The following PLCD1 variants were observed in gnomAD, a reference collection of about 807,000 sequenced individuals.
PLCD1 encodes the protein phospholipase C delta 1.
In PLCD1, 71 loss-of-function variants were observed where a neutral mutation model predicts 87.4. That is an observed-to-expected ratio of 0.81 (90% CI 0.67 to 0.99). The LOEUF (loss-of-function observed/expected upper bound fraction) is 0.99, where lower values mean the gene tolerates loss of function less well. Among genes scored for constraint, PLCD1 ranks in the 50% least tolerant of loss-of-function variants. PLCD1 has a pLI of 0.00. For synonymous variants in PLCD1, 348 were observed against 399.2 expected (o/e 0.87, Z 1.53); for missense variants, 867 against 1,001.5 (o/e 0.87, Z 1.81).
At chr3:38,019,027 A>T (rs992752176) in intron 2 of PLCD1, 3 of 152,284 alleles carry the variant, frequency 2.0e-5, no homozygotes, top group African/African-American at 7.2e-5. Context: ...GGTCCTGTCC[A>T]GTGTCCTGAG....
intron 1 of PLCD1, chr3:38,024,038 AC>A (rs1700271290): frequency 2.2e-6 from 1 of 448,092 alleles, no homozygotes; most frequent in Non-Finnish European, 4.0e-6. Context: ...AGACCAGGCC[AC>A]ATACACGGTG....
At position 38,024,351 on chromosome 3, in the gene PLCD1, T is replaced by C. The variant is rs747779782; in HGVS notation, c.35-3999A>G. 9 of 1,612,806 alleles carry C rather than the reference T, an allele frequency of 5.6e-6. No individual in the cohort carries two copies. The Admixed American group carries it at 1.5e-4, about 27-fold the overall frequency. The stretch of plus-strand genomic sequence containing the variant: ...GCGCCCCTTACCCAGCCTCCGTCCA[T>C]TGAGCGCCGCCACCTTAAGGCTCCG... On this transcript the variant is annotated intron_variant, in intron 1 of 14. Transcript: ENST00000334661.
chr3:38,017,623 T>G lies in PLCD1; in HGVS notation c.200-904A>C, dbSNP rs1003246124. Among the ~76,000 whole-genome samples, 4 of 152,164 alleles carry G rather than the reference T, an allele frequency of 2.6e-5. No homozygotes were observed. Among genetic ancestry groups the G allele is most frequent in the Admixed American group, 2.6e-4 (4 of 15,290 alleles). The stretch of plus-strand genomic sequence containing the variant: ...GAGCCAGTTCTTCCAGTCAGGCTCA[T>G]GCTGTGCCTCCCAGCAGCAGGATCC... On this transcript the variant is annotated intron_variant, in intron 2 of 14. Coordinates refer to ENST00000334661, the MANE Select transcript of PLCD1 (RefSeq NM_006225.4). This position sits in a 1 kb window ranked among gnomAD's most constrained non-coding sequence, Gnocchi z 4.7.
chr3:38,016,782 G>C, intron 2 of PLCD1, 63 bp from the exon 3 acceptor site: 17 of 1,209,680 alleles, frequency 1.4e-5, no homozygotes, highest in Admixed American at 2.0e-5. Flanking sequence ...CCCTGACCCT[G>C]ACATGGCCAA....
chr3:38,009,545 G>T, intron 9 of PLCD1, 108 bp downstream of exon 9: 1 of 1,553,298 alleles, frequency 6.4e-7, no homozygotes, highest in Non-Finnish European at 8.9e-7. Context: ...AGAGAGCGGG[G>T]CAGAGGGTCT....
chr3:38,015,864 A>T (rs532100277), intron 3 of PLCD1, among the ~76,000 whole-genome samples: 65 of 152,184 alleles, frequency 4.3e-4, no homozygotes, highest in Non-Finnish European at 8.8e-4. Flanking sequence ...TGATTAAAAC[A>T]TCCAAGACTG....
In PLCD1 at chr3:38,026,767, A is replaced by G. The variant is rs145832090; in HGVS notation, c.34+2739T>C. On this transcript the variant is annotated intron_variant, in intron 1 of 14. Transcript: ENST00000334661. ...TCTTGGAGGACTGGTTTTTGGGGCA[A>G]CCTAGAATTTCTATGCCCATTGGCG... Among the ~76,000 whole-genome samples, 358 of 152,322 alleles carry G rather than the reference A, an allele frequency of 2.4e-3. 1 individual carries two copies. The highest frequency in any genetic ancestry group is 6.7e-3 in the African/African-American group (277 of 41,556).
At position 38,020,346 on chromosome 3, in the gene PLCD1, T is replaced by C; in HGVS notation, c.41A>G (p.Gln14Arg). The change falls in exon 2 of 15, where the codon CAG becomes CGG. Residue 14 changes from glutamine (Q) to arginine (R), a missense_variant. By Grantham distance (43) the Gln-to-Arg change is conservative (BLOSUM62 1). Transcript: ENST00000334661. ...CAGCGCCTGTAGATCCTCATCATCC[T>C]GTAGGCCTGGGGATCAAAGCCAGTA... Reference protein sequence around the residue: ...GRDFLTLHGLQDDEDLQALLK... With the variant: ...GRDFLTLHGLRDDEDLQALLK... 8.7e-6 allele frequency: 14 copies of C among 1,613,964 alleles called. No individual in the cohort carries two copies. Among genetic ancestry groups the C allele is most frequent in the African/African-American group, 2.7e-5 (2 of 75,054 alleles).
rs1214266308 is a variant in PLCD1 at position 38,011,328 on chromosome 3, C to A, written c.676G>T (p.Glu226Ter). Residue 226 changes from glutamate (E) to a stop codon, truncating the protein, a stop_gained, in exon 5 of 15, where the codon GAG becomes TAG. Coordinates refer to ENST00000334661, the MANE Select transcript of PLCD1 (RefSeq NM_006225.4). LOFTEE classifies it high-confidence loss of function. ...ACTAACTGATCCACCGACAGAGTCT[C>A]CCCTGAGCCCGCGGCCTCGGCGAAG... Reference protein sequence around the residue: ...RTFAEAAGSGETLSVDQLVTF... With the variant: ...RTFAEAAGSG 1 of 1,612,276 alleles carries A rather than the reference C, an allele frequency of 6.2e-7. No homozygotes were observed. The highest frequency in any genetic ancestry group is 1.3e-5 in the African/African-American group (1 of 74,904).
chr3:38,016,779 C>G (rs957404777), intron 2 of PLCD1, 60 bp from the exon 3 acceptor site: 49 of 1,222,532 alleles, frequency 4.0e-5, no homozygotes, highest in African/African-American at 4.5e-5. Context: ...AGTCCCTGAC[C>G]CTGACATGGC....
At position 38,008,370 on chromosome 3, in the gene PLCD1, G is replaced by C. The variant is rs776892456; in HGVS notation, c.1903-3C>G. The C allele has an allele frequency of 5.0e-6, 8 of 1,614,108 alleles. No individual in the cohort carries two copies. In the Admixed American group the frequency reaches 6.7e-5, roughly 13 times the overall value. On this transcript the variant is annotated splice_polypyrimidine_tract_variant and splice_region_variant and intron_variant, in intron 12 of 14. Coordinates refer to ENST00000334661, the MANE Select transcript of PLCD1 (RefSeq NM_006225.4). ...GGCAGCTGCTGCCCCGAAATGACCT[G>C]AGGAAAGGCAGAGGACAATGGACAG... is the stretch of plus-strand genomic sequence containing the variant.
At chr3:38,027,295 T>C (rs936779658) in intron 1 of PLCD1, among the ~76,000 whole-genome samples, 37 of 152,098 alleles carry the variant, frequency 2.4e-4, no homozygotes, top group Non-Finnish European at 3.8e-4. Context: ...GCATAGAAAT[T>C]TGGGGAGGGG....
rs570126998 is a variant in PLCD1 at position 38,025,499 on chromosome 3, C to A, written c.34+4007G>T. Among the ~76,000 whole-genome samples the A allele has an allele frequency of 3.9e-5, 6 of 152,228 alleles. No homozygotes were observed. The highest frequency in any genetic ancestry group is 6.5e-5 in the Admixed American group (1 of 15,294). ...CTTCAATTGCTCAACTAATTCATTG[C>A]GACTCAGCTTGCTGTTGCCTCATTT... is the stretch of plus-strand genomic sequence containing the variant. On this transcript the variant is annotated intron_variant, in intron 1 of 14. Coordinates refer to ENST00000334661, the MANE Select transcript of PLCD1 (RefSeq NM_006225.4). This position sits in a 1 kb window ranked among gnomAD's most constrained non-coding sequence, Gnocchi z 4.0.
At position 38,029,615 on chromosome 3, in the gene PLCD1, G is replaced by T; in HGVS notation, c.-76C>A. ...CGACAGCACCGGCGGCCTGGGGTCC[G>T]AGCGGAGTGCGGTGCAGGGACCTGA... On this transcript the variant is annotated 5_prime_UTR_variant, in exon 1 of 15. Coordinates refer to ENST00000334661, the MANE Select transcript of PLCD1 (RefSeq NM_006225.4). 7.1e-7 allele frequency: 1 copy of T among 1,409,444 alleles called. No homozygotes were observed. The highest frequency in any genetic ancestry group is 9.7e-7 in the Non-Finnish European group (1 of 1,034,962). The allele number at this position is 1,409,444 out of a possible 1,614,324, so 87.3% of individuals were successfully genotyped here.
At chr3:38,012,518 T>TG (rs1278654130) in intron 3 of PLCD1, among the ~76,000 whole-genome samples, 2 of 140,154 alleles carry the variant, frequency 1.4e-5, no homozygotes, top group Non-Finnish European at 3.1e-5. Flanking sequence ...AGAATGAAGT[T>TG]TTTTTTTTTT....
intron 1 of PLCD1, among the ~76,000 whole-genome samples, chr3:38,027,777 C>A (rs73825473): frequency 1.4e-3 from 220 of 152,348 alleles, no homozygotes; most frequent in African/African-American, 5.1e-3. Context: ...GTGATCACCC[C>A]CTCCCACCAA....
Position 38,016,563 on chromosome 3 carries a change from TG to T in PLCD1, c.355del (p.Gln119SerfsTer42). 2 of 1,614,100 alleles carry T rather than the reference TG, an allele frequency of 1.2e-6. No individual in the cohort carries two copies. Among genetic ancestry groups the T allele is most frequent in the Non-Finnish European group, 1.7e-6 (2 of 1,179,968 alleles). ...CTTGTGCAGCCCCAGCACCCAGTGCTGGGCATCAGCTGGCGATGGGGCGATG... is the reference window on the plus strand; with the variant it reads ...CTTGTGCAGCCCCAGCACCCAGTGCTGGCATCAGCTGGCGATGGGGCGATG... ...DLIAPSPADA[Q>X]HWVLGLHKII... On this transcript the variant is annotated frameshift_variant, in exon 3 of 15. Coordinates refer to ENST00000334661, the MANE Select transcript of PLCD1 (RefSeq NM_006225.4). LOFTEE classifies it high-confidence loss of function.
In PLCD1 at chr3:38,010,473, C is replaced by T; in HGVS notation, c.880G>A (p.Val294Ile). ...GSAFSLAHRR[V>I]YQDMGQPLSH... ...AGTGGCTGGCCCATGTCCTGGTAGA[C>T]ACGGCGGTGTGCCAGGCTGAAGGCG... The change falls in exon 6 of 15, where the codon GTC becomes ATC. Residue 294 changes from valine (V) to isoleucine (I), a missense_variant. Physicochemically the swap from Val to Ile is conservative, Grantham distance 29. Coordinates refer to ENST00000334661, the MANE Select transcript of PLCD1 (RefSeq NM_006225.4). The T allele has an allele frequency of 6.2e-7, 1 of 1,614,176 alleles. No individual in the cohort carries two copies. Among genetic ancestry groups the T allele is most frequent in the Admixed American group, 1.7e-5 (1 of 60,022 alleles).
chr3:38,008,831 T>C, intron 11 of PLCD1, 195 bp from the exon 12 acceptor site: 1 of 666,690 alleles, frequency 1.5e-6, no homozygotes. Context: ...GGTGTGAGAA[T>C]TCAAAGGACT....
Sources: gnomAD v4.1 joint callset for allele counts (sites outside exome capture counted in the v4.1 genomes callset) on GRCh38, gnomAD v4.1.1 for gene constraint, Gnocchi (gnomAD v3.1) non-coding constraint, MANE v1.5 for transcripts, NCBI Gene and HGNC (gene_info 2026-07-23, HGNC 2026-07-21) for gene names.